Variants in DBH observed in about 807,000 individuals in gnomAD.
DBH encodes the protein dopamine beta-hydroxylase (dopamine beta-monooxygenase).
Under a neutral mutation model 64.0 loss-of-function variants are expected in DBH, and 49 were observed. The observed-to-expected ratio is 0.77, with a 90% CI of 0.61 to 0.97. The LOEUF (loss-of-function observed/expected upper bound fraction) is 0.97, where lower values mean the gene tolerates loss of function less well. Among genes scored for constraint, DBH ranks in the 50% least tolerant of loss-of-function variants. The pLI, the probability that DBH is intolerant of heterozygous loss-of-function variation, is 0.00. For missense variants in DBH, 828 were observed against 826.6 expected, an observed-to-expected ratio of 1.00 and a Z score of -0.02; for synonymous variants, 343 against 347.1, an observed-to-expected ratio of 0.99 and a Z score of 0.13.
Position 133,644,315 on chromosome 9 carries a change from T to C in DBH, c.1019T>C (p.Ile340Thr), listed in dbSNP as rs182974707. Residue 340 changes from isoleucine (I) to threonine (T), a missense_variant, in exon 5 of 12, where the codon ATA becomes ACA. Physicochemically the swap from Ile to Thr is moderately conservative, Grantham distance 89. Transcript: ENST00000393056. The stretch of plus-strand genomic sequence containing the variant: ...GTTCACTACCACAACCCACTGGTGA[T>C]AGAAGGTAGGCGGCTCTGCTGCCAT... Reference protein sequence around the residue: ...LEVHYHNPLVIEGRNDSSGIR... With the variant: ...LEVHYHNPLVTEGRNDSSGIR... 48 of 1,613,716 alleles carry C rather than the reference T, an allele frequency of 3.0e-5. No homozygotes were observed. The highest frequency in any genetic ancestry group is 3.3e-4 in the Middle Eastern group (2 of 6,060).
intron 11 of DBH, among the ~76,000 whole-genome samples, chr9:133,658,073 CAG>C (rs1832358535): frequency 6.6e-6 from 1 of 151,746 alleles, no homozygotes; most frequent in South Asian, 2.1e-4. Context: ...TGGGTGGGGA[CAG>C]AGGCGGGGAG....
chr9:133,644,368 G>T (rs1190362622), intron 5 of DBH, 48 bp downstream of exon 5: 1 of 1,494,128 alleles, frequency 6.7e-7, no homozygotes, highest in African/African-American at 1.4e-5. Flanking sequence ...GGACTCAGCT[G>T]TGTTGAGCCA....
intron 10 of DBH, 62 bp downstream of exon 10, chr9:133,656,712 G>A (rs1223032915): frequency 6.9e-6 from 11 of 1,598,714 alleles, no homozygotes; most frequent in Non-Finnish European, 9.4e-6. Context: ...CCTCGGGCCT[G>A]TTAGGCGGCT....
chr9:133,638,093 A>G (rs1832073710), intron 1 of DBH, among the ~76,000 whole-genome samples: 1 of 152,242 alleles, frequency 6.6e-6, no homozygotes, highest in South Asian at 2.1e-4. Flanking sequence ...CCCGGCTGCT[A>G]GGGAAGCCAG....
Position 133,658,304 on chromosome 9 carries a change from C to T in DBH, c.1723-12C>T. ...TCCAGCCTCAGTTTACCTCCTGCCC[C>T]CTTCCTTGCAGGGTGAATGGAACCT... is the stretch of plus-strand genomic sequence containing the variant. On this transcript the variant is annotated splice_polypyrimidine_tract_variant and intron_variant, in intron 11 of 11. Transcript: ENST00000393056. 6.2e-7 allele frequency: 1 copy of T among 1,613,778 alleles called. No homozygotes were observed. Among genetic ancestry groups the T allele is most frequent in the South Asian group, 1.1e-5 (1 of 91,040 alleles).
intron 11 of DBH, 143 bp downstream of exon 11, chr9:133,657,372 A>G: frequency 1.1e-6 from 1 of 914,070 alleles, no homozygotes; most frequent in South Asian, 1.4e-5. Flanking sequence ...GTGGTGACAC[A>G]TAGGCCTAGA....
chr9:133,640,141 G>A (rs1832101718), intron 2 of DBH, 149 bp downstream of exon 2: 5 of 1,084,956 alleles, frequency 4.6e-6, no homozygotes, highest in Non-Finnish European at 6.8e-6. Flanking sequence ...AAGGAGGATG[G>A]CCAGAGGCAG....
Position 133,653,086 on chromosome 9 carries a change from T to C in DBH, c.1434+87T>C. 3.9e-6 allele frequency: 4 copies of C among 1,033,076 alleles called. No homozygotes were observed. The East Asian group carries it at 9.6e-5, about 25-fold the overall frequency. The allele number at this position is 1,033,076 out of a possible 1,614,324, so 64.0% of individuals were successfully genotyped here. ...AGGAAGGATGACAGGTCTTGACTCC[T>C]CACTTAGGGCATGGGCTCGTCCCCT... On this transcript the variant is annotated intron_variant, in intron 9 of 11. Transcript: ENST00000393056.
chr9:133,642,795 G>C (rs770199173), intron 3 of DBH, among the ~76,000 whole-genome samples: 13 of 152,178 alleles, frequency 8.5e-5, no homozygotes, highest in Non-Finnish European at 1.6e-4. Flanking sequence ...AAAGCAGCTC[G>C]AGTCAGAACT....
intron 9 of DBH, 152 bp downstream of exon 9, chr9:133,653,151 C>T (rs1282646469): frequency 4.2e-6 from 3 of 706,964 alleles, no homozygotes; most frequent in Admixed American, 2.1e-5. Context: ...ACCACAGTGG[C>T]AGCATCACCA....
chr9:133,658,073 C>T (rs1369804218), intron 11 of DBH, among the ~76,000 whole-genome samples: 2 of 151,628 alleles, frequency 1.3e-5, no homozygotes, highest in African/African-American at 2.4e-5. Flanking sequence ...TGGGTGGGGA[C>T]AGAGGCGGGG....
At chr9:133,649,029 G>A (rs1382608150) in intron 6 of DBH, among the ~76,000 whole-genome samples, 6 of 152,176 alleles carry the variant, frequency 3.9e-5, no homozygotes, top group African/African-American at 1.2e-4. Flanking sequence ...ACGAGAGGGT[G>A]CCCGGTTTTA....
chr9:133,646,695 T>G (rs1007511828), intron 5 of DBH, among the ~76,000 whole-genome samples: 10 of 152,182 alleles, frequency 6.6e-5, no homozygotes, highest in African/African-American at 1.9e-4. Context: ...GGCTAATTTT[T>G]GTATTTTTAG....
At chr9:133,646,605 C>A (rs1331968005) in intron 5 of DBH, among the ~76,000 whole-genome samples, 1 of 152,206 alleles carries the variant, frequency 6.6e-6, no homozygotes, top group Non-Finnish European at 1.5e-5. Flanking sequence ...CTTAATGCAA[C>A]CTCCGCCTCC....
In DBH at chr9:133,643,553, C is replaced by A; in HGVS notation, c.885C>A (p.Cys295Ter). The A allele has an allele frequency of 6.2e-7, 1 of 1,613,620 alleles. No individual in the cohort carries two copies. Among genetic ancestry groups the A allele is most frequent in the South Asian group, 1.1e-5 (1 of 91,066 alleles). ...TGAAACCCGACCGCCTCAACTACTG[C>A]CGCCACGTGCTGGCCGCCTGGGCCC... The part of the protein sequence containing the change: ...SKMKPDRLNY[C>*]RHVLAAWALG... The change falls in exon 4 of 12, where the codon TGC becomes TGA. Residue 295 changes from cysteine (C) to a stop codon, truncating the protein, a stop_gained. Transcript: ENST00000393056. LOFTEE classifies it high-confidence loss of function. This position sits in a 1 kb window ranked among gnomAD's most constrained non-coding sequence, Gnocchi z 5.3.
At chr9:133,641,680 C>T (rs150019418) in intron 2 of DBH, among the ~76,000 whole-genome samples, 1 of 152,328 alleles carries the variant, frequency 6.6e-6, no homozygotes, top group African/African-American at 2.4e-5. Flanking sequence ...CGCGTAGATC[C>T]ATGGAGCTTT....
intron 8 of DBH, among the ~76,000 whole-genome samples, chr9:133,652,688 C>T (rs1415584154): frequency 2.0e-5 from 3 of 152,156 alleles, no homozygotes; most frequent in Non-Finnish European, 4.4e-5. Flanking sequence ...ACCAGCTGCA[C>T]CCCCACTGGC....
chr9:133,657,006 G>C, intron 10 of DBH, 64 bp from the exon 11 acceptor site: 1 of 1,570,780 alleles, frequency 6.4e-7, no homozygotes, highest in Non-Finnish European at 8.8e-7. Flanking sequence ...AGGTGTTGCT[G>C]GTGCCCACTG....
chr9:133,650,481 TTTTTC>T (rs1832234173), intron 6 of DBH, among the ~76,000 whole-genome samples: 14 of 134,520 alleles, frequency 1.0e-4, no homozygotes, highest in African/African-American at 3.1e-4. Context: ...TTTCTTTTTC[TTTTTC>T]TTTCTTTTCT....
Sources: gnomAD v4.1 joint callset for allele counts (sites outside exome capture counted in the v4.1 genomes callset) on GRCh38, gnomAD v4.1.1 for gene constraint, Gnocchi (gnomAD v3.1) non-coding constraint, MANE v1.5 for transcripts, NCBI Gene and HGNC (gene_info 2026-07-23, HGNC 2026-07-21) for gene names.